The following GTF3C1 variants were observed in gnomAD, a reference collection of about 807,000 sequenced individuals.
GTF3C1 encodes general transcription factor 3C polypeptide 1.
In GTF3C1, 57 loss-of-function variants were observed where a neutral mutation model predicts 226.7. That is an observed-to-expected ratio of 0.25 (90% CI 0.20 to 0.31). The LOEUF (loss-of-function observed/expected upper bound fraction) is 0.31. GTF3C1 is among the 10% of genes least tolerant of loss of function. GTF3C1 has a pLI of 1.00. For missense variants in GTF3C1, 2,217 were observed against 2,776.1 expected (o/e 0.80, Z 4.53); for synonymous variants, 1,090 against 1,084.8 (o/e 1.00, Z -0.09).
intron 6 of GTF3C1, among the ~76,000 whole-genome samples, chr16:27,516,013 C>A (rs2088652941): frequency 6.6e-6 from 1 of 152,194 alleles, no homozygotes; most frequent in African/African-American, 2.4e-5. Flanking sequence ...TGTCAGTGAG[C>A]CCAGGCTGCC....
At chr16:27,493,118 C>T in intron 17 of GTF3C1, 81 bp downstream of exon 17, 2 of 769,976 alleles carry the variant, frequency 2.6e-6, no homozygotes, top group Non-Finnish European at 4.7e-6. Context: ...TTTCCTCTTC[C>T]TGGTGAATGA....
chr16:27,488,840 T>G lies in GTF3C1; in HGVS notation c.3429+203A>C, dbSNP rs534087269. Among the ~76,000 whole-genome samples, 22 of 152,340 alleles carry G rather than the reference T, an allele frequency of 1.4e-4. No homozygotes were observed. The East Asian group carries it at 4.2e-3, about 29-fold the overall frequency. The stretch of plus-strand genomic sequence containing the variant: ...TGTGTCACCCAGACCTTCTGATCCT[T>G]CTTTAAAAAGGAATACCTGTCCACG... On this transcript the variant is annotated intron_variant, in intron 21 of 36. Coordinates refer to ENST00000356183, the MANE Select transcript of GTF3C1 (RefSeq NM_001520.4).
rs1042482290 is a variant in GTF3C1, at chr16:27,469,248, T to TGGC, written c.5074+40_5074+42dup. On this transcript the variant is annotated intron_variant, in intron 32 of 36. Coordinates refer to ENST00000356183, the MANE Select transcript of GTF3C1 (RefSeq NM_001520.4). The surrounding 1 kb of genome is among the most constrained non-coding windows in gnomAD (Gnocchi z 4.5). ...CAGGCCTCAGGGTCTTCCTGGATGA[T>TGGC]GGCGAGGCCAGGCCCTCCCACAGCA... 14 of 1,516,946 alleles carry TGGC rather than the reference T, an allele frequency of 9.2e-6. No individual in the cohort carries two copies. The highest frequency in any genetic ancestry group is 1.2e-5 in the Non-Finnish European group (14 of 1,125,608). The allele number at this position is 1,516,946 out of a possible 1,614,324, so 94.0% of individuals were successfully genotyped here. A position where few individuals can be genotyped will look rare whatever the true frequency, so the allele number is the denominator to read the frequency against.
intron 12 of GTF3C1, among the ~76,000 whole-genome samples, chr16:27,500,131 T>TG (rs1478564786): frequency 2.0e-5 from 3 of 151,774 alleles, no homozygotes; most frequent in Admixed American, 6.6e-5. Flanking sequence ...GACTGGAGGG[T>TG]GGGGGGTTCC....
Position 27,461,121 on chromosome 16 carries a change from A to G in GTF3C1, c.*229T>C. 2.0e-6 allele frequency: 1 copy of G among 488,598 alleles called. No homozygotes were observed. The highest frequency in any genetic ancestry group is 3.0e-5 in the East Asian group (1 of 32,950). The allele number at this position is 488,598 out of a possible 1,614,324, so 30.3% of individuals were successfully genotyped here. On this transcript the variant is annotated 3_prime_UTR_variant, in exon 37 of 37. Transcript: ENST00000356183. This position sits in a 1 kb window ranked among gnomAD's most constrained non-coding sequence, Gnocchi z 5.3. ...TCCCAGTGTGATGAGGCCAGTTCCC[A>G]AGGGGAAGGCCCAGAAGAGCCTGGG...
intron 5 of GTF3C1, among the ~76,000 whole-genome samples, chr16:27,532,358 C>T (rs534717877): frequency 3.1e-4 from 47 of 152,256 alleles, no homozygotes; most frequent in African/African-American, 1.0e-3. Flanking sequence ...CTGGTGCCTG[C>T]GGTCAGACAG....
At chr16:27,494,693 AG>A in intron 16 of GTF3C1, 69 bp downstream of exon 16, 1 of 1,140,942 alleles carries the variant, frequency 8.8e-7, no homozygotes, top group South Asian at 1.3e-5. Context: ...TCCCTTGCCC[AG>A]GTGAGTGTAG....
intron 10 of GTF3C1, among the ~76,000 whole-genome samples, chr16:27,503,343 C>T (rs910461002): frequency 8.5e-5 from 13 of 152,198 alleles, no homozygotes; most frequent in Non-Finnish European, 1.6e-4. Context: ...AACTGATGTA[C>T]AGACAATTAC....
chr16:27,514,628 CCATTTATCCATTACTATAT>C (rs954060634), intron 6 of GTF3C1, among the ~76,000 whole-genome samples: 9 of 152,098 alleles, frequency 5.9e-5, no homozygotes, highest in African/African-American at 2.2e-4. Context: ...AACACTACGA[CCATTTATCCATTACTATAT>C]CCTGGATGCT....
chr16:27,495,585 CA>C, intron 14 of GTF3C1, 93 bp from the exon 15 acceptor site: 1 of 1,183,144 alleles, frequency 8.5e-7, no homozygotes, highest in Non-Finnish European at 1.2e-6. Context: ...CACTATGTGC[CA>C]GGGGCCAGAA....
rs1270953235 is a variant in GTF3C1, at chr16:27,476,464, T to C, written c.4340A>G (p.Tyr1447Cys). The C allele has an allele frequency of 1.2e-6, 2 of 1,609,554 alleles. No individual in the cohort carries two copies. Among genetic ancestry groups the C allele is most frequent in the East Asian group, 2.2e-5 (1 of 44,852 alleles). The change falls in exon 29 of 37, where the codon TAC becomes TGC. Residue 1447 changes from tyrosine to cysteine, a missense_variant. Transcript: ENST00000356183. ...GCCGACACCCACCTGGAATGACTGG[T>C]AGGACTTCATCTGACTGTCTGAGAG... is the stretch of plus-strand genomic sequence containing the variant. ...LALSDSQMKS[Y>C]QSFQTFRLYR... is the part of the protein sequence containing the mutation.
At chr16:27,539,977 TC>T (rs1377492608) in intron 2 of GTF3C1, among the ~76,000 whole-genome samples, 3 of 151,866 alleles carry the variant, frequency 2.0e-5, no homozygotes, top group African/African-American at 7.3e-5. Context: ...TCACCAAGGG[TC>T]CACATACAAA....
chr16:27,502,222 T>C (rs1459235827), intron 11 of GTF3C1, among the ~76,000 whole-genome samples: 3 of 152,114 alleles, frequency 2.0e-5, no homozygotes, highest in African/African-American at 7.2e-5. Flanking sequence ...CCCCCTCCCA[T>C]TCAGTCCTCG....
At position 27,492,621 on chromosome 16, in the gene GTF3C1, T is replaced by C. The variant is rs2088250282; in HGVS notation, c.2969A>G (p.Asp990Gly). Residue 990 changes from aspartate to glycine, a missense_variant, in exon 18 of 37, where the codon GAT becomes GGT. This residue lies in a region of GTF3C1 where 353 missense variants were observed against 411.7 expected (regional missense o/e 0.86). Transcript: ENST00000356183. The surrounding 1 kb of genome is among the most constrained non-coding windows in gnomAD (Gnocchi z 5.0). ...TTTGGGCTTGAGGGACATTACCTGA[T>C]CTTTATCCTGAAACTTTTCCGTGGG... ...FGPTEKFQDK[D>G]QVFIFLKKNA... 6.3e-7 allele frequency: 1 copy of C among 1,586,148 alleles called. No individual in the cohort carries two copies. Among genetic ancestry groups the C allele is most frequent in the Non-Finnish European group, 8.7e-7 (1 of 1,154,528 alleles).
In GTF3C1 at chr16:27,483,558, A is replaced by G. The variant is rs2088089435; in HGVS notation, c.4002-433T>C. On this transcript the variant is annotated intron_variant, in intron 25 of 36. Coordinates refer to ENST00000356183, the MANE Select transcript of GTF3C1 (RefSeq NM_001520.4). ...ACTAACCTTCACATCTCCATGATAT[A>G]AGGAGAGCCTGACTTGCCCAAAAGA... 1.6e-5 allele frequency: 7 copies of G among 441,360 alleles called. 1 individual carries two copies. The highest frequency in any genetic ancestry group is 1.1e-4 in the South Asian group (7 of 62,864). The allele number at this position is 441,360 out of a possible 1,614,324, so 27.3% of individuals were successfully genotyped here. A position where few individuals can be genotyped will look rare whatever the true frequency, so the allele number is the denominator to read the frequency against.
At chr16:27,503,099 C>G in intron 10 of GTF3C1, 104 bp from the exon 11 acceptor site, 1 of 773,260 alleles carries the variant, frequency 1.3e-6, no homozygotes, top group Non-Finnish European at 2.1e-6. Flanking sequence ...AACTTCTACT[C>G]CCATCTTTCA....
chr16:27,484,894 C>T (rs1048188526), intron 24 of GTF3C1, among the ~76,000 whole-genome samples: 2 of 152,158 alleles, frequency 1.3e-5, no homozygotes, highest in Non-Finnish European at 1.5e-5. Context: ...ATGAGGTGAC[C>T]CAAAAAGTCT....
chr16:27,543,006 G>A (rs963908594), intron 2 of GTF3C1, among the ~76,000 whole-genome samples: 7 of 152,218 alleles, frequency 4.6e-5, no homozygotes, highest in African/African-American at 1.7e-4. Context: ...GACCACACTG[G>A]TATGCACAGC....
At chr16:27,517,200 C>A (rs1293271291) in intron 6 of GTF3C1, among the ~76,000 whole-genome samples, 2 of 152,166 alleles carry the variant, frequency 1.3e-5, no homozygotes, top group Non-Finnish European at 2.9e-5. Flanking sequence ...TTCCAAGGGA[C>A]CATCTGGAAG....
Sources: allele counts gnomAD v4.1 joint callset (sites outside exome capture counted in the v4.1 genomes callset), GRCh38; gene constraint gnomAD v4.1.1; regional missense constraint gnomAD v4.1.1; non-coding constraint Gnocchi (gnomAD v3.1); transcripts MANE v1.5; gene names NCBI Gene and HGNC (gene_info 2026-07-23, HGNC 2026-07-21).